The following STXBP6 variants were observed in gnomAD, a reference collection of about 807,000 sequenced individuals.
The protein encoded by STXBP6 is syntaxin-binding protein 6.
In STXBP6, 21 loss-of-function variants were observed where a neutral mutation model predicts 26.9. The observed-to-expected ratio is 0.78, with a 90% confidence interval of 0.55 to 1.12. STXBP6 has a LOEUF of 1.12. Among genes scored for constraint, STXBP6 ranks in the 50% most tolerant of loss-of-function variants. The pLI is 0.00. For missense variants in STXBP6, 232 were observed against 257.9 expected, an observed-to-expected ratio of 0.90 and a Z score of 0.69; for synonymous variants, 97 against 92.6, an observed-to-expected ratio of 1.05 and a Z score of -0.27.
At chr14:24,969,310 ACC>A (rs992245360) in intron 2 of STXBP6, among the ~76,000 whole-genome samples, 11 of 152,336 alleles carry the variant, frequency 7.2e-5, no homozygotes, top group African/African-American at 2.6e-4. Flanking sequence ...GAAGATTTTC[ACC>A]CACTTATGGA....
In STXBP6 at chr14:25,049,644, G is replaced by A. The variant is rs891880767; in HGVS notation, c.-33+234C>T. 4.1e-6 allele frequency: 4 copies of A among 985,426 alleles called. No individual in the cohort carries two copies. The highest frequency in any genetic ancestry group is 4.8e-6 in the Non-Finnish European group (4 of 830,042). 61.0% of individuals were successfully genotyped at this position (985,426 alleles called of 1,614,324 possible). A position where few individuals can be genotyped will look rare whatever the true frequency, so the allele number is the denominator to read the frequency against. ...CGGGTCCCAGGGTTGGAGAGAACCA[G>A]GGACACGAGTCCCTCTCTGCGCGCA... is the stretch of plus-strand genomic sequence containing the variant. On this transcript the variant is annotated intron_variant, in intron 1 of 5. Coordinates refer to ENST00000323944, the MANE Select transcript of STXBP6 (RefSeq NM_001394410.1). The surrounding 1 kb of genome is among the most constrained non-coding windows in gnomAD (Gnocchi z 5.6).
intron 4 of STXBP6, among the ~76,000 whole-genome samples, chr14:24,828,160 A>G (rs541449380): frequency 9.2e-5 from 14 of 152,290 alleles, no homozygotes; most frequent in African/African-American, 3.4e-4. Context: ...CCTTTGGGCA[A>G]GGAAAACTCA....
At chr14:25,019,481 TTCC>T (rs2075220721) in intron 1 of STXBP6, among the ~76,000 whole-genome samples, 1 of 152,250 alleles carries the variant, frequency 6.6e-6, no homozygotes, top group Non-Finnish European at 1.5e-5. Context: ...GACTTATTCA[TTCC>T]TCCTTTTGCC....
At chr14:24,969,981 C>A (rs1375542506) in intron 2 of STXBP6, among the ~76,000 whole-genome samples, 1 of 152,196 alleles carries the variant, frequency 6.6e-6, no homozygotes, top group Non-Finnish European at 1.5e-5. Flanking sequence ...GTGGCTCATG[C>A]CTGCAATCCC....
chr14:24,875,819 G>T (rs2070121316), intron 2 of STXBP6, among the ~76,000 whole-genome samples: 1 of 152,178 alleles, frequency 6.6e-6, no homozygotes, highest in Admixed American at 6.5e-5. Context: ...GGGTAAGGGT[G>T]GCGGGAGGGG....
intron 1 of STXBP6, among the ~76,000 whole-genome samples, chr14:25,040,046 C>T (rs1234641154): frequency 2.0e-5 from 3 of 152,152 alleles, no homozygotes; most frequent in South Asian, 4.2e-4. Context: ...GGTGACCACA[C>T]GTACATAAAG....
chr14:24,949,001 A>G (rs1340784773), intron 2 of STXBP6, among the ~76,000 whole-genome samples: 1 of 152,264 alleles, frequency 6.6e-6, no homozygotes, highest in East Asian at 1.9e-4. Flanking sequence ...TCGGTGTCAT[A>G]GTGACATCAA....
At chr14:25,006,463 T>G (rs541129062) in intron 1 of STXBP6, among the ~76,000 whole-genome samples, 1 of 152,326 alleles carries the variant, frequency 6.6e-6, no homozygotes, top group African/African-American at 2.4e-5. Flanking sequence ...TGTAGCAAAC[T>G]TTTGGTCCCA....
intron 1 of STXBP6, among the ~76,000 whole-genome samples, chr14:25,038,937 AC>A (rs1180897745): frequency 4.6e-5 from 7 of 152,188 alleles, no homozygotes; most frequent in African/African-American, 1.7e-4. Flanking sequence ...ATACATTTAG[AC>A]CTACTGTACA....
chr14:24,856,610 G>A (rs2069341280), intron 3 of STXBP6, among the ~76,000 whole-genome samples: 1 of 151,810 alleles, frequency 6.6e-6, no homozygotes, highest in African/African-American at 2.4e-5. Context: ...TAAAAGCAAG[G>A]GAATCACAAT....
intron 4 of STXBP6, among the ~76,000 whole-genome samples, chr14:24,852,028 A>G (rs540775275): frequency 4.9e-4 from 74 of 152,288 alleles, no homozygotes; most frequent in African/African-American, 1.8e-3. Context: ...CTTAGATTAT[A>G]GCTTAACTCT....
rs369813043 is a variant in STXBP6 at position 25,049,609 on chromosome 14, G to A, written c.-33+269C>T. ...TCCGTTCTGCGGCTTGCCCAATACT[G>A]CCCGCACAACGGGTCCCAGGGTTGG... On this transcript the variant is annotated intron_variant, in intron 1 of 5. Coordinates refer to ENST00000323944, the MANE Select transcript of STXBP6 (RefSeq NM_001394410.1). This position sits in a 1 kb window ranked among gnomAD's most constrained non-coding sequence, Gnocchi z 5.6. The A allele has an allele frequency of 5.8e-5, 57 of 985,420 alleles. No homozygotes were observed. In the East Asian group the frequency reaches 5.0e-3, roughly 87 times the overall value. The allele number at this position is 985,420 out of a possible 1,614,324, so 61.0% of individuals were successfully genotyped here. A position where few individuals can be genotyped will look rare whatever the true frequency, so the allele number is the denominator to read the frequency against.
chr14:25,005,532 C>T (rs2074870490), intron 1 of STXBP6, among the ~76,000 whole-genome samples: 1 of 152,132 alleles, frequency 6.6e-6, no homozygotes, highest in Admixed American at 6.5e-5. Flanking sequence ...TTGTATCCTT[C>T]GCAAATGCAG....
In STXBP6 at chr14:24,819,548, A is replaced by G. The variant is rs761467491; in HGVS notation, c.452-354T>C. The G allele has an allele frequency of 3.0e-4, 156 of 516,102 alleles. 1 individual carries two copies. The highest frequency in any genetic ancestry group is 8.8e-4 in the Admixed American group (25 of 28,270). 32.0% of individuals were successfully genotyped at this position (516,102 alleles called of 1,614,324 possible). A position where few individuals can be genotyped will look rare whatever the true frequency, so the allele number is the denominator to read the frequency against. On this transcript the variant is annotated intron_variant, in intron 4 of 5. Transcript: ENST00000323944. ...GCAAAGATAAATGAAAACGTTGACA[A>G]GTTCACAGAATTAGGCAAGTTCAAT...
At chr14:24,955,107 ATTG>A (rs1222932169) in intron 2 of STXBP6, among the ~76,000 whole-genome samples, 1 of 152,170 alleles carries the variant, frequency 6.6e-6, no homozygotes, top group African/African-American at 2.4e-5. Context: ...AACTATCTTT[ATTG>A]TTGTTCCCAT....
intron 1 of STXBP6, among the ~76,000 whole-genome samples, chr14:25,048,146 G>A (rs912346327): frequency 9.9e-5 from 15 of 152,238 alleles, no homozygotes; most frequent in African/African-American, 3.6e-4. Flanking sequence ...AGAGAGGAGA[G>A]AAGACCTAGA....
At chr14:24,964,341 C>G (rs1037911690) in intron 2 of STXBP6, among the ~76,000 whole-genome samples, 2 of 152,152 alleles carry the variant, frequency 1.3e-5, no homozygotes, top group Non-Finnish European at 2.9e-5. Flanking sequence ...ACGGTAACTA[C>G]CTAGTAGTCT....
chr14:24,839,844 A>T (rs559924521), intron 4 of STXBP6, among the ~76,000 whole-genome samples: 1 of 152,302 alleles, frequency 6.6e-6, no homozygotes, highest in South Asian at 2.1e-4. Context: ...GTAGGATTTG[A>T]ATTAGAATTC....
chr14:24,932,499 G>A (rs1182642869), intron 2 of STXBP6, among the ~76,000 whole-genome samples: 1 of 152,090 alleles, frequency 6.6e-6, no homozygotes, highest in Non-Finnish European at 1.5e-5. Flanking sequence ...CAGCCTGGAT[G>A]ATAGAGTGAG....
Sources: gnomAD v4.1 joint callset for allele counts (sites outside exome capture counted in the v4.1 genomes callset) on GRCh38, gnomAD v4.1.1 for gene constraint, Gnocchi (gnomAD v3.1) non-coding constraint, MANE v1.5 for transcripts, NCBI Gene and HGNC (gene_info 2026-07-23, HGNC 2026-07-21) for gene names.